Variants in GABBR2 observed in about 807,000 individuals in gnomAD.
GABBR2 encodes gamma-aminobutyric acid type B receptor subunit 2.
Under a neutral mutation model 105.6 loss-of-function variants are expected in GABBR2, and 23 were observed. The ratio of observed to expected loss-of-function variants is 0.22; its 90% CI spans 0.16 to 0.31. The LOEUF is 0.31. Ranked by LOEUF, GABBR2 falls within the 10% of genes least tolerant of loss-of-function variation. The pLI is 1.00. For missense variants in GABBR2, 734 were observed against 1,245.5 expected (o/e 0.59, Z 6.18); for synonymous variants, 478 against 499.7 (o/e 0.96, Z 0.58).
intron 15 of GABBR2, chr9:98,304,169 C>A (rs773649048): frequency 1.3e-5 from 2 of 152,350 alleles, no homozygotes; most frequent in Non-Finnish European, 2.9e-5. Context: ...ACCAGGCCAG[C>A]GGGTATCAGG....
At chr9:98,432,592 C>T (rs1825832893) in intron 7 of GABBR2, among the ~76,000 whole-genome samples, 1 of 152,196 alleles carries the variant, frequency 6.6e-6, no homozygotes, top group South Asian at 2.1e-4. Flanking sequence ...CTTCAGTTTC[C>T]TCTTCTATAA....
chr9:98,555,518 A>T (rs2131754259), intron 2 of GABBR2: 1 of 152,376 alleles, frequency 6.6e-6, no homozygotes, highest in African/African-American at 2.4e-5. Flanking sequence ...TGACAAATGC[A>T]GGAAATTAAC....
chr9:98,599,312 G>A (rs1829284920), intron 1 of GABBR2, among the ~76,000 whole-genome samples: 1 of 152,138 alleles, frequency 6.6e-6, no homozygotes, highest in Admixed American at 6.5e-5. Context: ...CATTTTGTTG[G>A]AATGGAAGGT....
intron 1 of GABBR2, among the ~76,000 whole-genome samples, chr9:98,591,110 C>T (rs1829139924): frequency 6.6e-6 from 1 of 152,014 alleles, no homozygotes; most frequent in East Asian, 1.9e-4. Flanking sequence ...AGACAAAAGT[C>T]ACGCAAAAAA....
intron 1 of GABBR2, among the ~76,000 whole-genome samples, chr9:98,648,112 T>TATAGATAGA (rs1290908248): frequency 2.0e-5 from 1 of 49,832 alleles, no homozygotes; most frequent in Non-Finnish European, 4.4e-5. Context: ...TGTGTGTGTG[T>TATAGATAGA]GTGTATAGAT....
intron 2 of GABBR2, among the ~76,000 whole-genome samples, chr9:98,568,288 G>A (rs764395314): frequency 3.3e-5 from 5 of 150,966 alleles, no homozygotes; most frequent in Admixed American, 6.6e-5. Flanking sequence ...CTGTCTTTAG[G>A]GTACCACAGT....
At chr9:98,385,851 G>T in intron 10 of GABBR2, 79 bp from the exon 11 acceptor site, 1 of 1,130,234 alleles carries the variant, frequency 8.8e-7, no homozygotes, top group Non-Finnish European at 1.3e-6. Flanking sequence ...CTAAACGCCT[G>T]CTAGATATAT....
chr9:98,510,914 A>G (rs1218415096), intron 3 of GABBR2, among the ~76,000 whole-genome samples: 1 of 152,202 alleles, frequency 6.6e-6, no homozygotes, highest in African/African-American at 2.4e-5. Flanking sequence ...CCTAATAGAC[A>G]TCTACAGAAC....
chr9:98,542,059 G>T lies in GABBR2; in HGVS notation c.460-16C>A. On this transcript the variant is annotated splice_polypyrimidine_tract_variant and intron_variant, in intron 2 of 18. Coordinates refer to ENST00000259455, the MANE Select transcript of GABBR2 (RefSeq NM_005458.8). ...CAAAAGAAAGCTGAAAAACACAAAA[G>T]AGACAACGCTTTTTACTGATGAGCC... 6.2e-7 allele frequency: 1 copy of T among 1,612,368 alleles called. No individual in the cohort carries two copies.
At chr9:98,318,937 G>T (rs1165752766) in intron 13 of GABBR2, among the ~76,000 whole-genome samples, 3 of 149,702 alleles carry the variant, frequency 2.0e-5, no homozygotes, top group Non-Finnish European at 4.4e-5. Flanking sequence ...TGTGTGTGTG[G>T]TGTGTGTGTA....
chr9:98,399,080 G>A (rs764961901), intron 8 of GABBR2, among the ~76,000 whole-genome samples: 10 of 152,118 alleles, frequency 6.6e-5, no homozygotes, highest in South Asian at 2.1e-4. Flanking sequence ...TTGGGGCCGG[G>A]TGTAGTGGCT....
intron 13 of GABBR2, among the ~76,000 whole-genome samples, chr9:98,322,625 C>T (rs1233191092): frequency 6.7e-6 from 1 of 150,246 alleles, no homozygotes; most frequent in African/African-American, 2.5e-5. Flanking sequence ...CCCGTCCAGC[C>T]TTGTTCCCCA....
chr9:98,646,654 G>C (rs1830031759), intron 1 of GABBR2, among the ~76,000 whole-genome samples: 1 of 152,216 alleles, frequency 6.6e-6, no homozygotes, highest in African/African-American at 2.4e-5. Flanking sequence ...ATCATAGGAA[G>C]TCTTCGTTCA....
intron 6 of GABBR2, 141 bp downstream of exon 6, chr9:98,473,005 C>T (rs1190986631): frequency 7.6e-6 from 5 of 655,784 alleles, no homozygotes; most frequent in South Asian, 5.5e-5. Context: ...CCACATTTTA[C>T]AGGTACAAGA....
chr9:98,662,754 G>C (rs781102241), intron 1 of GABBR2, among the ~76,000 whole-genome samples: 6 of 152,172 alleles, frequency 3.9e-5, no homozygotes, highest in African/African-American at 9.7e-5. Flanking sequence ...ACAGGCTAGG[G>C]TGTCACCTTG....
At chr9:98,302,987 T>A in intron 16 of GABBR2, 5 of 462,698 alleles carry the variant, frequency 1.1e-5, no homozygotes, top group Non-Finnish European at 1.9e-5. Flanking sequence ...TTCCTTTCTG[T>A]CTGGGGATGG....
intron 1 of GABBR2, among the ~76,000 whole-genome samples, chr9:98,611,872 A>G (rs1472747544): frequency 6.6e-6 from 1 of 151,592 alleles, no homozygotes; most frequent in East Asian, 1.9e-4. Flanking sequence ...TGAATGAATG[A>G]ATGGCAATTG....
intron 13 of GABBR2, among the ~76,000 whole-genome samples, chr9:98,323,956 A>C (rs1830871333): frequency 6.6e-6 from 1 of 152,152 alleles, no homozygotes; most frequent in Non-Finnish European, 1.5e-5. Context: ...TGTGCACTCA[A>C]TGTCAAGGTT....
intron 3 of GABBR2, among the ~76,000 whole-genome samples, chr9:98,515,045 G>C (rs1267624908): frequency 1.3e-5 from 2 of 152,198 alleles, no homozygotes; most frequent in Non-Finnish European, 2.9e-5. Context: ...CTCAGAGACA[G>C]AACTTTCTAA....
Sources: gnomAD v4.1 joint callset for allele counts (sites outside exome capture counted in the v4.1 genomes callset) on GRCh38, gnomAD v4.1.1 for gene constraint, MANE v1.5 for transcripts, NCBI Gene and HGNC (gene_info 2026-07-23, HGNC 2026-07-21) for gene names.